CLVS2: variants seen among roughly 807,000 people sequenced by gnomAD.
CLVS2 encodes the protein clavesin 2.
In CLVS2, 19 loss-of-function variants were observed where a neutral mutation model predicts 29.0. That is an observed-to-expected ratio of 0.66 (90% CI 0.46 to 0.96). The LOEUF is 0.96. Ranked by LOEUF, CLVS2 falls within the 40% of genes least tolerant of loss-of-function variation. The pLI is 0.00. For synonymous variants in CLVS2, 161 were observed against 151.3 expected (o/e 1.06, Z -0.47); for missense variants, 294 against 404.1 (o/e 0.73, Z 2.34).
In CLVS2 at chr6:122,996,734, T is replaced by A. The variant is rs537027463; in HGVS notation, c.-572T>A. 4 of 167,048 alleles carry A rather than the reference T, an allele frequency of 2.4e-5. No homozygotes were observed. The highest frequency in any genetic ancestry group is 9.6e-5 in the African/African-American group (4 of 41,598). The allele number at this position is 167,048 out of a possible 1,614,324, so 10.3% of individuals were successfully genotyped here. On this transcript the variant is annotated 5_prime_UTR_variant, in exon 1 of 6. Coordinates refer to ENST00000275162, the MANE Select transcript of CLVS2 (RefSeq NM_001010852.4). ...TGCCGCATTGCTTAGCGACCCCGCC[T>A]CTGGGTTTGCTGGTAGGAGCGGCTG... is the stretch of plus-strand genomic sequence containing the variant.
chr6:123,054,142 A>G (rs754199145), intron 4 of CLVS2, among the ~76,000 whole-genome samples: 27 of 150,560 alleles, frequency 1.8e-4, no homozygotes, highest in South Asian at 2.1e-4. Flanking sequence ...CATGAGTTGA[A>G]GAAGATTTCT....
intron 3 of CLVS2, among the ~76,000 whole-genome samples, chr6:123,021,660 T>TA (rs1774923066): frequency 6.6e-6 from 1 of 152,120 alleles, no homozygotes; most frequent in South Asian, 2.1e-4. Flanking sequence ...TAACATCTTC[T>TA]AAAATGATTG....
chr6:123,061,223 G>A (rs1772773041), intron 5 of CLVS2, among the ~76,000 whole-genome samples: 1 of 152,012 alleles, frequency 6.6e-6, no homozygotes, highest in African/African-American at 2.4e-5. Flanking sequence ...GTTGAACCCG[G>A]GAGGCGGAGG....
At chr6:123,026,068 C>CA (rs1430260938) in intron 3 of CLVS2, among the ~76,000 whole-genome samples, 1 of 151,968 alleles carries the variant, frequency 6.6e-6, no homozygotes, top group East Asian at 1.9e-4. Flanking sequence ...TAGAGTGAGA[C>CA]AGATTTCTAT....
At chr6:123,051,177 A>G (rs543907771) in intron 4 of CLVS2, among the ~76,000 whole-genome samples, 1 of 152,312 alleles carries the variant, frequency 6.6e-6, no homozygotes, top group East Asian at 1.9e-4. Flanking sequence ...CTGAAAAGCT[A>G]GTAAAAGAGA....
intron 3 of CLVS2, among the ~76,000 whole-genome samples, chr6:123,045,093 A>G (rs1424351553): frequency 1.3e-5 from 2 of 152,028 alleles, no homozygotes; most frequent in Admixed American, 1.3e-4. Context: ...GTTTACTTAA[A>G]TAGTTTTTAT....
intron 4 of CLVS2, 56 bp from the exon 5 acceptor site, chr6:123,055,750 A>G (rs112034617): frequency 8.1e-7 from 1 of 1,233,448 alleles, no homozygotes; most frequent in Non-Finnish European, 1.2e-6. Context: ...TAGGATTTAG[A>G]TGGTATTTAG....
intron 3 of CLVS2, among the ~76,000 whole-genome samples, chr6:123,040,788 A>AGAAAAGAAAAGAAAG (rs1341095189): frequency 6.6e-6 from 1 of 152,112 alleles, no homozygotes; most frequent in Admixed American, 6.6e-5. Flanking sequence ...AGAAAAGAAA[A>AGAAAAGAAAAGAAAG]GAAAAGAAAA....
At chr6:123,062,558 ATC>A (rs1419062881) in intron 5 of CLVS2, among the ~76,000 whole-genome samples, 3 of 152,012 alleles carry the variant, frequency 2.0e-5, no homozygotes, top group Non-Finnish European at 4.4e-5. Context: ...AGGAAACAAA[ATC>A]TCTCAATTTT....
Position 123,062,268 on chromosome 6 carries a change from G to C in CLVS2, c.897-1406G>C, listed in dbSNP as rs576430305. The stretch of plus-strand genomic sequence containing the variant: ...TAATTACTTAGTCTTTTGTGCAATT[G>C]TCTCCTTTGTTAAAAAGTATTTTAT... On this transcript the variant is annotated intron_variant, in intron 5 of 5. Transcript: ENST00000275162. Among the ~76,000 whole-genome samples the C allele has an allele frequency of 1.3e-3, 204 of 152,162 alleles. 2 individuals are homozygous for C. The highest frequency in any genetic ancestry group is 2.5e-3 in the Non-Finnish European group (168 of 67,976).
chr6:123,007,563 A>C (rs1370681945), intron 2 of CLVS2, among the ~76,000 whole-genome samples: 1 of 152,160 alleles, frequency 6.6e-6, no homozygotes, highest in African/African-American at 2.4e-5. Context: ...TTCTGATTGC[A>C]CAGGTAGTAC....
At chr6:123,014,586 T>C (rs1273823270) in intron 3 of CLVS2, among the ~76,000 whole-genome samples, 2 of 152,064 alleles carry the variant, frequency 1.3e-5, no homozygotes, top group African/African-American at 2.4e-5. Flanking sequence ...ATACCAATTT[T>C]CAAGTGTTAT....
At chr6:123,016,987 G>A (rs1774844769) in intron 3 of CLVS2, among the ~76,000 whole-genome samples, 1 of 152,014 alleles carries the variant, frequency 6.6e-6, no homozygotes, top group Non-Finnish European at 1.5e-5. Flanking sequence ...CCAAGGCTGG[G>A]GCGTGAGGAG....
At chr6:123,026,430 G>T (rs1002854651) in intron 3 of CLVS2, among the ~76,000 whole-genome samples, 3 of 152,072 alleles carry the variant, frequency 2.0e-5, no homozygotes, top group Non-Finnish European at 4.4e-5. Flanking sequence ...ATGTTAAAAA[G>T]GTTAGTCTCT....
chr6:123,023,542 C>A (rs1417533999), intron 3 of CLVS2, among the ~76,000 whole-genome samples: 1 of 151,946 alleles, frequency 6.6e-6, no homozygotes, highest in Non-Finnish European at 1.5e-5. Flanking sequence ...AAGTTATATA[C>A]AATAATAGAG....
intron 2 of CLVS2, among the ~76,000 whole-genome samples, chr6:123,000,647 G>A (rs1774576975): frequency 6.6e-6 from 1 of 152,156 alleles, no homozygotes; most frequent in Non-Finnish European, 1.5e-5. Flanking sequence ...CCATGTGCTA[G>A]TTTCTCTTAT....
intron 2 of CLVS2, 57 bp from the exon 3 acceptor site, chr6:123,010,928 T>G: frequency 8.6e-7 from 1 of 1,158,258 alleles, no homozygotes. Flanking sequence ...AAATATTTTA[T>G]AGCTTTTTGG....
At chr6:123,055,391 A>T (rs1268849765) in intron 4 of CLVS2, among the ~76,000 whole-genome samples, 2 of 152,178 alleles carry the variant, frequency 1.3e-5, no homozygotes, top group Non-Finnish European at 2.9e-5. Flanking sequence ...TAGGCTCTGT[A>T]ATTGATGAGT....
chr6:123,006,031 G>A (rs1343752529), intron 2 of CLVS2, among the ~76,000 whole-genome samples: 2 of 152,196 alleles, frequency 1.3e-5, no homozygotes, highest in Non-Finnish European at 2.9e-5. Flanking sequence ...CAGTGAAAGA[G>A]TTTTTAAGCT....
Sources: gnomAD v4.1 joint callset for allele counts (sites outside exome capture counted in the v4.1 genomes callset) on GRCh38, gnomAD v4.1.1 for gene constraint, MANE v1.5 for transcripts, NCBI Gene and HGNC (gene_info 2026-07-23, HGNC 2026-07-21) for gene names.